The following IQGAP2 variants were observed in gnomAD, a reference collection of about 807,000 sequenced individuals.
The protein encoded by IQGAP2 is ras GTPase-activating-like protein IQGAP2.
In IQGAP2, 173 loss-of-function variants were observed where a neutral mutation model predicts 201.3. The observed-to-expected ratio is 0.86, with a 90% CI of 0.76 to 0.98. The LOEUF (loss-of-function observed/expected upper bound fraction) is 0.98, where lower values mean the gene tolerates loss of function less well. Ranked by LOEUF, IQGAP2 falls within the 50% of genes least tolerant of loss-of-function variation. The probability of loss-of-function intolerance (pLI) is 0.00; values close to 1 mark genes in which losing one functional copy is unlikely to be tolerated. For synonymous variants in IQGAP2, 675 were observed against 673.9 expected, an observed-to-expected ratio of 1.00 and a Z score of -0.03; for missense variants, 1,687 against 1,864.8, an observed-to-expected ratio of 0.90 and a Z score of 1.76.
intron 2 of IQGAP2, among the ~76,000 whole-genome samples, chr5:76,561,707 C>T (rs1744378923): frequency 6.6e-6 from 1 of 152,164 alleles, no homozygotes. Context: ...CCAGTAATGA[C>T]CTTGGTGTTC....
At position 76,612,438 on chromosome 5, in the gene IQGAP2, C is replaced by T. The variant is rs189276249; in HGVS notation, c.1521+1255C>T. Reference sequence around the variant, plus strand: ...TTGAACCGAGAGGTAGAGGTTGCAGCGAGCTGAGATCGCACCATTGCACCC... The same window carrying T: ...TTGAACCGAGAGGTAGAGGTTGCAGTGAGCTGAGATCGCACCATTGCACCC... On this transcript the variant is annotated intron_variant, in intron 13 of 35. Transcript: ENST00000274364. 1.1e-4 allele frequency among the ~76,000 whole-genome samples: 17 copies of T among 152,146 alleles called. No individual in the cohort carries two copies. In the South Asian group the frequency reaches 1.5e-3, roughly 13 times the overall value.
intron 1 of IQGAP2, among the ~76,000 whole-genome samples, chr5:76,426,670 G>A (rs894652213): frequency 6.6e-6 from 1 of 152,224 alleles, no homozygotes; most frequent in Non-Finnish European, 1.5e-5. Context: ...CTGCTGGGAA[G>A]CAGCCCCTTT....
intron 2 of IQGAP2, among the ~76,000 whole-genome samples, chr5:76,561,237 G>A (rs1490402158): frequency 6.6e-6 from 1 of 152,176 alleles, no homozygotes; most frequent in Non-Finnish European, 1.5e-5. Flanking sequence ...CCTTGGATAA[G>A]GGGGGTCTAC....
At chr5:76,489,588 A>G (rs1258749404) in intron 2 of IQGAP2, among the ~76,000 whole-genome samples, 1 of 152,058 alleles carries the variant, frequency 6.6e-6, no homozygotes, top group Non-Finnish European at 1.5e-5. Context: ...CGGCCTCCCA[A>G]GTAGCTGGGG....
intron 2 of IQGAP2, among the ~76,000 whole-genome samples, chr5:76,478,573 G>C (rs947896594): frequency 6.6e-6 from 1 of 152,180 alleles, no homozygotes; most frequent in African/African-American, 2.4e-5. Flanking sequence ...ACAGGCGTGA[G>C]CCAGGCGTGG....
At chr5:76,545,908 T>A (rs147670442) in intron 2 of IQGAP2, among the ~76,000 whole-genome samples, 1 of 152,238 alleles carries the variant, frequency 6.6e-6, no homozygotes, top group East Asian at 1.9e-4. Flanking sequence ...AATCAGTTAT[T>A]ACTTCACACT....
At chr5:76,683,006 A>G in intron 28 of IQGAP2, 109 bp from the exon 29 acceptor site, 1 of 588,314 alleles carries the variant, frequency 1.7e-6, no homozygotes, top group Non-Finnish European at 3.0e-6. Context: ...TCATACTCAT[A>G]TTTAAGATTT....
intron 2 of IQGAP2, among the ~76,000 whole-genome samples, chr5:76,505,971 A>T (rs1172995041): frequency 6.6e-6 from 1 of 152,186 alleles, no homozygotes; most frequent in East Asian, 1.9e-4. Context: ...ATTTAAGTTC[A>T]ACATTAATTA....
At chr5:76,612,943 A>C (rs1748538409) in intron 13 of IQGAP2, among the ~76,000 whole-genome samples, 2 of 152,192 alleles carry the variant, frequency 1.3e-5, no homozygotes, top group Non-Finnish European at 2.9e-5. Flanking sequence ...TTTAAAAACC[A>C]ATGTAAATCC....
intron 3 of IQGAP2, among the ~76,000 whole-genome samples, chr5:76,564,450 G>A (rs568118476): frequency 6.6e-6 from 1 of 152,202 alleles, no homozygotes; most frequent in Non-Finnish European, 1.5e-5. Context: ...TGAGAATCAG[G>A]CTGGGAAGAC....
chr5:76,458,762 G>A (rs948555125), intron 1 of IQGAP2, among the ~76,000 whole-genome samples: 1 of 152,140 alleles, frequency 6.6e-6, no homozygotes, highest in Non-Finnish European at 1.5e-5. Flanking sequence ...CCACAGAATG[G>A]TGCTATCTTT....
chr5:76,434,190 A>C (rs1346763990), intron 1 of IQGAP2, among the ~76,000 whole-genome samples: 1 of 152,200 alleles, frequency 6.6e-6, no homozygotes, highest in East Asian at 1.9e-4. Context: ...ATATATTTAA[A>C]ATTTTTAAAG....
chr5:76,630,539 A>G (rs904815614), intron 14 of IQGAP2, among the ~76,000 whole-genome samples: 3 of 152,180 alleles, frequency 2.0e-5, no homozygotes, highest in African/African-American at 7.2e-5. Context: ...GAACCAGCTC[A>G]TCGATACTCA....
At chr5:76,489,406 C>T (rs1293266926) in intron 2 of IQGAP2, among the ~76,000 whole-genome samples, 1 of 152,118 alleles carries the variant, frequency 6.6e-6, no homozygotes, top group Non-Finnish European at 1.5e-5. Context: ...CCTTTCATCT[C>T]GCCACCCCAC....
intron 2 of IQGAP2, among the ~76,000 whole-genome samples, chr5:76,556,488 C>T (rs1743956513): frequency 6.6e-6 from 1 of 152,204 alleles, no homozygotes; most frequent in South Asian, 2.1e-4. Context: ...TTACCAAGGA[C>T]TCCCATACCC....
chr5:76,614,751 C>G (rs893327007), intron 13 of IQGAP2, among the ~76,000 whole-genome samples: 8 of 151,078 alleles, frequency 5.3e-5, no homozygotes, highest in Non-Finnish European at 1.0e-4. Context: ...CATTCAGCAT[C>G]CTCTACTATT....
At chr5:76,612,051 C>T (rs1304316093) in intron 13 of IQGAP2, among the ~76,000 whole-genome samples, 1 of 152,208 alleles carries the variant, frequency 6.6e-6, no homozygotes, top group Non-Finnish European at 1.5e-5. Flanking sequence ...TACTATTTGT[C>T]AGGCATGATA....
At chr5:76,555,714 C>A (rs1580448618) in intron 2 of IQGAP2, among the ~76,000 whole-genome samples, 2 of 152,062 alleles carry the variant, frequency 1.3e-5, no homozygotes, top group South Asian at 4.1e-4. Flanking sequence ...TTTTAACCAA[C>A]AAGAATGACC....
intron 1 of IQGAP2, among the ~76,000 whole-genome samples, chr5:76,406,789 CT>C (rs1425133557): frequency 6.6e-6 from 1 of 151,944 alleles, no homozygotes; most frequent in East Asian, 1.9e-4. Flanking sequence ...TACAGTGGGT[CT>C]CCAATGATTG....
Sources: gnomAD v4.1 joint callset for allele counts (sites outside exome capture counted in the v4.1 genomes callset) on GRCh38, gnomAD v4.1.1 for gene constraint, MANE v1.5 for transcripts, NCBI Gene and HGNC (gene_info 2026-07-23, HGNC 2026-07-21) for gene names.